Variants in DYRK1A observed in about 807,000 individuals in gnomAD.
DYRK1A encodes the protein dual specificity tyrosine phosphorylation regulated kinase 1A, also known as dual specificity tyrosine-phosphorylation-regulated kinase 1A.
DYRK1A carries 9 observed loss-of-function variants against 79.7 expected under a neutral mutation model. The ratio of observed to expected loss-of-function variants is 0.11; its 90% confidence interval spans 0.07 to 0.20. The LOEUF (loss-of-function observed/expected upper bound fraction) is 0.20, where lower values mean the gene tolerates loss of function less well. DYRK1A is among the 10% of genes least tolerant of loss of function. The pLI is 1.00. For synonymous variants in DYRK1A, 349 were observed against 329.7 expected (o/e 1.06, Z -0.63); for missense variants, 622 against 956.0 (o/e 0.65, Z 4.61).
At chr21:37,436,300 G>A (rs2050922366) in intron 2 of DYRK1A, among the ~76,000 whole-genome samples, 1 of 152,194 alleles carries the variant, frequency 6.6e-6, no homozygotes, top group Admixed American at 6.5e-5. Flanking sequence ...CAAAAGTAAT[G>A]TTTCTGGTAT....
chr21:37,413,459 A>G (rs1454195022), intron 1 of DYRK1A, among the ~76,000 whole-genome samples: 2 of 152,124 alleles, frequency 1.3e-5, no homozygotes, highest in Non-Finnish European at 2.9e-5. Flanking sequence ...CCTGTGTGGA[A>G]AAGTTGGTGC....
chr21:37,507,138 C>G (rs13052269), intron 11 of DYRK1A, among the ~76,000 whole-genome samples: 30 of 152,182 alleles, frequency 2.0e-4, no homozygotes, highest in African/African-American at 7.2e-4. Flanking sequence ...CAGGAACTCT[C>G]TCCACTTTGT....
At chr21:37,498,758 A>G (rs1156386643) in intron 9 of DYRK1A, among the ~76,000 whole-genome samples, 1 of 152,184 alleles carries the variant, frequency 6.6e-6, no homozygotes, top group Admixed American at 6.5e-5. Flanking sequence ...CCAGTTCTCC[A>G]AAGTTGTTTT....
chr21:37,438,486 AAT>A (rs1430531778), intron 2 of DYRK1A, among the ~76,000 whole-genome samples: 1 of 152,134 alleles, frequency 6.6e-6, no homozygotes, highest in Non-Finnish European at 1.5e-5. Context: ...ATTTGGAGTT[AAT>A]GTTTGTTAAT....
upstream of DYRK1A, chr21:37,366,085 C>G (rs1039094088): frequency 6.6e-6 from 1 of 150,702 alleles, no homozygotes; most frequent in Non-Finnish European, 1.5e-5. Context: ...CATTTTCCGG[C>G]TAGGAGGCCC....
At chr21:37,489,584 C>G (rs1397061125) in intron 6 of DYRK1A, among the ~76,000 whole-genome samples, 1 of 151,264 alleles carries the variant, frequency 6.6e-6, no homozygotes, top group Non-Finnish European at 1.5e-5. Flanking sequence ...TCCTCCAATA[C>G]TTTTACCAAA....
At chr21:37,498,015 G>T (rs1040902688) in intron 9 of DYRK1A, among the ~76,000 whole-genome samples, 2 of 151,982 alleles carry the variant, frequency 1.3e-5, no homozygotes, top group South Asian at 2.1e-4. Context: ...ATTACAAATG[G>T]TACACTAAGA....
At chr21:37,412,831 A>C (rs1438671506) in intron 1 of DYRK1A, among the ~76,000 whole-genome samples, 1 of 152,208 alleles carries the variant, frequency 6.6e-6, no homozygotes, top group Non-Finnish European at 1.5e-5. Context: ...GAATGGAGGC[A>C]GGGATGTGGC....
chr21:37,472,371 C>G (rs1200863747), intron 2 of DYRK1A, among the ~76,000 whole-genome samples: 1 of 152,102 alleles, frequency 6.6e-6, no homozygotes, highest in African/African-American at 2.4e-5. Context: ...ACTTATTTAA[C>G]TTGTATTATG....
intron 1 of DYRK1A, among the ~76,000 whole-genome samples, chr21:37,401,482 C>CTTTT (rs60091331): frequency 7.3e-6 from 1 of 137,510 alleles, no homozygotes; most frequent in African/African-American, 2.7e-5. Flanking sequence ...TTTCTAGTTC[C>CTTTT]TTTTTTTTTT....
chr21:37,457,462 C>G (rs2051691050), intron 2 of DYRK1A, among the ~76,000 whole-genome samples: 1 of 152,142 alleles, frequency 6.6e-6, no homozygotes, highest in Non-Finnish European at 1.5e-5. Flanking sequence ...GTCTCGAACT[C>G]CTCGCCTCAA....
chr21:37,479,225 G>A (rs1054097510), intron 4 of DYRK1A, among the ~76,000 whole-genome samples: 5 of 152,162 alleles, frequency 3.3e-5, no homozygotes, highest in Admixed American at 3.3e-4. Flanking sequence ...CGTAAAATTA[G>A]AATGAACTCT....
chr21:37,419,340 G>A (rs762882349), intron 1 of DYRK1A: 5 of 152,164 alleles, frequency 3.3e-5, no homozygotes. Context: ...TGGAGGCATT[G>A]GGAATTGAGA....
chr21:37,408,896 C>G, intron 1 of DYRK1A, among the ~76,000 whole-genome samples: 1 of 152,154 alleles, frequency 6.6e-6, no homozygotes, highest in Non-Finnish European at 1.5e-5. Context: ...AGGGCTTTTT[C>G]CACTTCAGGG....
At position 37,411,049 on chromosome 21, in the gene DYRK1A, TAAAAA is replaced by T. The variant is rs35292922; in HGVS notation, c.-76-9228_-76-9224del. On this transcript the variant is annotated intron_variant, in intron 1 of 11. Coordinates refer to ENST00000647188, the MANE Select transcript of DYRK1A (RefSeq NM_001347721.2). ...GGGCGACAGAGTGAGATTCTGTCTT[TAAAAA>T]AAAAAAAAAAAAAAAAAAAAAGCCC... Among the ~76,000 whole-genome samples the T allele has an allele frequency of 9.1e-3, 512 of 56,454 alleles. 8 individuals are homozygous for T. The highest frequency in any genetic ancestry group is 0.035 in the African/African-American group (481 of 13,562). The allele number at this position is 56,454 out of a possible 152,430, so 37.0% of individuals were successfully genotyped here.
intron 6 of DYRK1A, chr21:37,487,784 T>C (rs541329057): frequency 2.0e-5 from 3 of 152,306 alleles, no homozygotes; most frequent in African/African-American, 7.2e-5. Context: ...TTTCTATTAA[T>C]TTTTCTTAGT....
intron 2 of DYRK1A, among the ~76,000 whole-genome samples, chr21:37,449,803 C>T (rs961245626): frequency 3.3e-5 from 5 of 152,178 alleles, no homozygotes; most frequent in African/African-American, 9.7e-5. Flanking sequence ...TGATGGCCCG[C>T]ATTCTTCATT....
chr21:37,492,911 A>G (rs2053143939), intron 7 of DYRK1A, 106 bp from the exon 8 acceptor site: 2 of 891,748 alleles, frequency 2.2e-6, no homozygotes, highest in Non-Finnish European at 3.3e-6. Context: ...ACCCTAATTC[A>G]GGAATTAGCC....
intron 11 of DYRK1A, among the ~76,000 whole-genome samples, chr21:37,507,479 G>T (rs1054990802): frequency 6.6e-6 from 1 of 152,032 alleles, no homozygotes; most frequent in Admixed American, 6.6e-5. Flanking sequence ...CTCTTTGCTT[G>T]TTCCACTTAG....
Sources: gnomAD v4.1 joint callset for allele counts (sites outside exome capture counted in the v4.1 genomes callset) on GRCh38, gnomAD v4.1.1 for gene constraint, MANE v1.5 for transcripts, NCBI Gene and HGNC (gene_info 2026-07-23, HGNC 2026-07-21) for gene names.